Variants in CLPB observed in about 807,000 individuals in gnomAD.
CLPB encodes ClpB family mitochondrial disaggregase, also known as mitochondrial disaggregase.
Under a neutral mutation model 78.4 loss-of-function variants are expected in CLPB, and 40 were observed. The observed-to-expected ratio is 0.51, with a 90% CI of 0.40 to 0.66. The LOEUF (loss-of-function observed/expected upper bound fraction) is 0.66, where lower values mean the gene tolerates loss of function less well. Ranked by LOEUF, CLPB falls within the 30% of genes least tolerant of loss-of-function variation. The pLI, the probability that CLPB is intolerant of heterozygous loss-of-function variation, is 0.00. For synonymous variants in CLPB, 333 were observed against 348.0 expected (o/e 0.96, Z 0.48); for missense variants, 780 against 886.9 (o/e 0.88, Z 1.53).
At chr11:72,349,931 G>A (rs1330042520) in intron 5 of CLPB, among the ~76,000 whole-genome samples, 2 of 152,238 alleles carry the variant, frequency 1.3e-5, no homozygotes, top group Non-Finnish European at 2.9e-5. Context: ...TGGCGGTGAT[G>A]AGGTCATGCC....
At chr11:72,424,159 G>GT (rs1350626106) in intron 2 of CLPB, among the ~76,000 whole-genome samples, 2 of 152,182 alleles carry the variant, frequency 1.3e-5, no homozygotes, top group Admixed American at 6.5e-5. Context: ...GTTGTAGCAC[G>GT]TATCAGTGCT....
intron 3 of CLPB, among the ~76,000 whole-genome samples, chr11:72,397,869 G>A (rs1209581477): frequency 2.0e-5 from 3 of 152,100 alleles, no homozygotes; most frequent in African/African-American, 4.8e-5. Flanking sequence ...TAAGGGACTA[G>A]GAACAACTTA....
rs1231157287 is a variant in CLPB at position 72,290,944 on chromosome 11, C to CA, written c.*2422dup. 8,780 of 82,960 alleles carry CA rather than the reference C, an allele frequency of 0.11. 437 individuals carry two copies. The highest frequency in any genetic ancestry group is 0.21 in the African/African-American group (4,892 of 23,816). 5.1% of individuals were successfully genotyped at this position (82,960 alleles called of 1,614,324 possible). ...TGGGTGACAGAGCGGGACTCCGTCT[C>CA]AAAAAAAAAAAAAAAACCAAAACAA... On this transcript the variant is annotated 3_prime_UTR_variant, in exon 16 of 16. Coordinates refer to ENST00000538039, the MANE Select transcript of CLPB (RefSeq NM_001258392.3).
intron 5 of CLPB, chr11:72,332,617 C>T (rs1437417015): frequency 2.0e-5 from 3 of 152,132 alleles, no homozygotes; most frequent in African/African-American, 7.2e-5. Flanking sequence ...AAGAAATTCC[C>T]TATCTATTAT....
At chr11:72,408,333 T>G in intron 2 of CLPB, 1 of 714,884 alleles carries the variant, frequency 1.4e-6, no homozygotes, top group South Asian at 1.8e-5. Context: ...TCGTAAGGAT[T>G]AAAACAGAAT....
chr11:72,356,635 G>A (rs909448896), intron 5 of CLPB, among the ~76,000 whole-genome samples: 4 of 152,238 alleles, frequency 2.6e-5, no homozygotes, highest in African/African-American at 7.2e-5. Flanking sequence ...GCAGGTGGGA[G>A]AAATGTAAAG....
Position 72,293,339 on chromosome 11 carries a change from A to T in CLPB, c.*28T>A, listed in dbSNP as rs770005779. ...GCCAAGGGGCCTTTATTGGATGGTG[A>T]GGGCACATAGGAGCAGGCAGGTGGC... On this transcript the variant is annotated 3_prime_UTR_variant, in exon 16 of 16. Coordinates refer to ENST00000538039, the MANE Select transcript of CLPB (RefSeq NM_001258392.3). 6.2e-7 allele frequency: 1 copy of T among 1,604,942 alleles called. No individual in the cohort carries two copies. The highest frequency in any genetic ancestry group is 1.7e-5 in the Admixed American group (1 of 59,672).
chr11:72,314,218 A>G (rs113773228), intron 7 of CLPB, among the ~76,000 whole-genome samples: 2 of 152,220 alleles, frequency 1.3e-5, no homozygotes, highest in African/African-American at 4.8e-5. Flanking sequence ...TCCCCAGGGG[A>G]GCATGTGGCT....
chr11:72,424,518 A>T (rs937134787), intron 2 of CLPB, among the ~76,000 whole-genome samples: 4 of 152,076 alleles, frequency 2.6e-5, no homozygotes, highest in Non-Finnish European at 4.4e-5. Flanking sequence ...ACACTTTGGG[A>T]GGCCGAGGTG....
At chr11:72,367,451 G>A (rs1425236456) in intron 4 of CLPB, among the ~76,000 whole-genome samples, 2 of 152,124 alleles carry the variant, frequency 1.3e-5, no homozygotes, top group East Asian at 3.9e-4. Context: ...GGCATGAGCT[G>A]TGTCCAGCCT....
chr11:72,391,664 C>T (rs55976447), intron 3 of CLPB, among the ~76,000 whole-genome samples: 4,858 of 152,246 alleles, frequency 0.032, 244 homozygotes, highest in African/African-American at 0.11. Context: ...AACTAGGCTG[C>T]GGGTGGTTTA....
At chr11:72,331,746 G>T (rs991301534) in intron 5 of CLPB, among the ~76,000 whole-genome samples, 2 of 151,334 alleles carry the variant, frequency 1.3e-5, no homozygotes, top group African/African-American at 4.8e-5. Flanking sequence ...GCTAATTTTT[G>T]TATTTTTAGT....
Position 72,301,303 on chromosome 11 carries a change from A to C in CLPB, c.1329+500T>G, listed in dbSNP as rs553469438. ...CCATGAATCAGAGTATCAGCATCTC[A>C]CCATTAGCAGCAACAATATTAGCAT... is the stretch of plus-strand genomic sequence containing the variant. On this transcript the variant is annotated intron_variant, in intron 11 of 15. Coordinates refer to ENST00000538039, the MANE Select transcript of CLPB (RefSeq NM_001258392.3). 2.0e-5 allele frequency among the ~76,000 whole-genome samples: 3 copies of C among 152,222 alleles called. No individual in the cohort carries two copies. The East Asian group carries it at 5.8e-4, about 29-fold the overall frequency.
At position 72,434,066 on chromosome 11, in the gene CLPB, A is replaced by G. The variant is rs944669671; in HGVS notation, c.403+6T>C. Reference sequence around the variant, plus strand: ...TCCCTTCCTCAAACCCAGATCTCATAATCACCCTTGTTGGACGGACTCTTG... The same window carrying G: ...TCCCTTCCTCAAACCCAGATCTCATGATCACCCTTGTTGGACGGACTCTTG... On this transcript the variant is annotated splice_donor_region_variant and intron_variant, in intron 1 of 15. Coordinates refer to ENST00000538039, the MANE Select transcript of CLPB (RefSeq NM_001258392.3). The G allele has an allele frequency of 6.2e-7, 1 of 1,608,720 alleles. No individual in the cohort carries two copies. Among genetic ancestry groups the G allele is most frequent in the Non-Finnish European group, 8.5e-7 (1 of 1,179,660 alleles).
At position 72,358,960 on chromosome 11, in the gene CLPB, G is replaced by C; in HGVS notation, c.695C>G (p.Ala232Gly). The part of the protein sequence containing the change: ...DDFNNRLNNR[A>G]SFKGCTALHY... ...CAAGGCCGTGCAGCCCTTGAAACTGGCGCGGTTGTTCAGCCTGTTGTTGAA... is the reference window on the plus strand; with the variant it reads ...CAAGGCCGTGCAGCCCTTGAAACTGCCGCGGTTGTTCAGCCTGTTGTTGAA... Residue 232 changes from alanine to glycine, a missense_variant, in exon 5 of 16, where the codon GCC becomes GGC. Around this residue, in one of 3 missense-constraint regions of CLPB, gnomAD observed 417 missense variants for 414.7 expected, o/e 1.01. Transcript: ENST00000538039. 6.2e-7 allele frequency: 1 copy of C among 1,613,468 alleles called. No homozygotes were observed. The highest frequency in any genetic ancestry group is 1.1e-5 in the South Asian group (1 of 91,002).
intron 3 of CLPB, among the ~76,000 whole-genome samples, chr11:72,393,479 T>C (rs765551933): frequency 3.9e-5 from 6 of 152,226 alleles, no homozygotes; most frequent in Non-Finnish European, 8.8e-5. Context: ...GTGCCATTAT[T>C]ATTCCCATTT....
At chr11:72,405,535 T>A (rs1400247191) in intron 2 of CLPB, among the ~76,000 whole-genome samples, 2 of 152,148 alleles carry the variant, frequency 1.3e-5, no homozygotes, top group Admixed American at 1.3e-4. Flanking sequence ...TTTGACAGAT[T>A]CCTGGCATGC....
At chr11:72,410,076 A>G (rs1213908036) in intron 2 of CLPB, among the ~76,000 whole-genome samples, 1 of 152,088 alleles carries the variant, frequency 6.6e-6, no homozygotes, top group Non-Finnish European at 1.5e-5. Flanking sequence ...TAAAAATATA[A>G]AAAATTAGCC....
At chr11:72,363,798 C>A (rs1950887686) in intron 4 of CLPB, among the ~76,000 whole-genome samples, 1 of 152,228 alleles carries the variant, frequency 6.6e-6, no homozygotes, top group Admixed American at 6.5e-5. Context: ...TACTGTGCAG[C>A]TTCTGCCAAT....
Sources: allele counts gnomAD v4.1 joint callset (sites outside exome capture counted in the v4.1 genomes callset), GRCh38; gene constraint gnomAD v4.1.1; regional missense constraint gnomAD v4.1.1; transcripts MANE v1.5; gene names NCBI Gene and HGNC (gene_info 2026-07-23, HGNC 2026-07-21).